Variants in ABCD3 observed in about 807,000 individuals in gnomAD.
ABCD3 encodes ATP binding cassette subfamily D member 3, also known as ATP-binding cassette sub-family D member 3.
Under a neutral mutation model 105.5 loss-of-function variants are expected in ABCD3, and 41 were observed. That is an observed-to-expected ratio of 0.39 (90% CI 0.30 to 0.50). ABCD3 has a LOEUF of 0.50. Ranked by LOEUF, ABCD3 falls within the 20% of genes least tolerant of loss-of-function variation. The pLI is 0.84. For synonymous variants in ABCD3, 258 were observed against 269.0 expected, an observed-to-expected ratio of 0.96 and a Z score of 0.40; for missense variants, 622 against 806.3, an observed-to-expected ratio of 0.77 and a Z score of 2.77.
chr1:94,414,279 G>A (rs1272730219), upstream of ABCD3, among the ~76,000 whole-genome samples: 1 of 151,962 alleles, frequency 6.6e-6, no homozygotes, highest in East Asian at 1.9e-4. Context: ...TCCGACCTTG[G>A]GTAAATAGTA....
At chr1:94,433,645 G>A (rs968952812) in intron 1 of ABCD3, among the ~76,000 whole-genome samples, 1 of 53,874 alleles carries the variant, frequency 1.9e-5, no homozygotes, top group African/African-American at 6.9e-5. Context: ...TTTTTTTTTT[G>A]TCTAAACATG....
the ABCD3 span, among the ~76,000 whole-genome samples, chr1:94,398,862 C>T: frequency 8.6e-5 from 13 of 151,984 alleles, no homozygotes; most frequent in East Asian, 1.9e-4. Flanking sequence ...TGCAGTGAGC[C>T]GAGATCATGC....
chr1:94,409,876 C>T, the ABCD3 span, among the ~76,000 whole-genome samples: 1 of 152,116 alleles, frequency 6.6e-6, no homozygotes, highest in African/African-American at 2.4e-5. Context: ...GCAAAGTATC[C>T]AATCATAGCT....
chr1:94,469,916 C>T (rs971674953), intron 4 of ABCD3, among the ~76,000 whole-genome samples: 3 of 152,046 alleles, frequency 2.0e-5, no homozygotes, highest in Non-Finnish European at 4.4e-5. Flanking sequence ...CCTCCCGCCT[C>T]GGCCTCCCAA....
chr1:94,480,503 C>T lies in ABCD3; in HGVS notation c.724C>T (p.Leu242=). 2 of 1,613,820 alleles carry T rather than the reference C, an allele frequency of 1.2e-6. No homozygotes were observed. The highest frequency in any genetic ancestry group is 1.7e-6 in the Non-Finnish European group (2 of 1,179,850). The change falls in exon 9 of 23, where the codon CTA becomes TTA. Residue 242 remains leucine, a synonymous_variant. Coordinates refer to ENST00000370214, the MANE Select transcript of ABCD3 (RefSeq NM_002858.4). ...GATGGCCTACTTGGTTGTTTCTGGGCTATTCCTAACTCGACTTCGAAGACC... is the reference window on the plus strand; with the variant it reads ...GATGGCCTACTTGGTTGTTTCTGGGTTATTCCTAACTCGACTTCGAAGACC... ...SMMAYLVVSG[L]FLTRLRRPIG...
At chr1:94,385,341 C>T in the ABCD3 span, among the ~76,000 whole-genome samples, 1 of 152,064 alleles carries the variant, frequency 6.6e-6, no homozygotes, top group African/African-American at 2.4e-5. Flanking sequence ...GGAAGGAGAC[C>T]TCTGATTTTA....
At chr1:94,406,335 G>GTTTTTTTTTTTTTTTTTTT in the ABCD3 span, 2 of 178,988 alleles carry the variant, frequency 1.1e-5, no homozygotes, top group Non-Finnish European at 1.0e-5. Flanking sequence ...ATAGTATTTT[G>GTTTTTTTTTTTTTTTTTTT]TTTTGTTTTT....
upstream of ABCD3, among the ~76,000 whole-genome samples, chr1:94,416,627 G>A (rs1659025956): frequency 6.6e-6 from 1 of 152,138 alleles, no homozygotes; most frequent in African/African-American, 2.4e-5. Context: ...TATTTCCCTA[G>A]GCTAGCCATA....
upstream of ABCD3, among the ~76,000 whole-genome samples, chr1:94,417,645 GCATA>G (rs1220414934): frequency 1.3e-5 from 2 of 152,204 alleles, no homozygotes; most frequent in Non-Finnish European, 2.9e-5. Flanking sequence ...GACCAGATCT[GCATA>G]CATTTTACAT....
At chr1:94,407,950 T>C in the ABCD3 span, among the ~76,000 whole-genome samples, 45 of 152,374 alleles carry the variant, frequency 3.0e-4, no homozygotes, top group East Asian at 8.5e-3. Context: ...GATTCATTTA[T>C]ATTATTGTCT....
In ABCD3 at chr1:94,469,071, G is replaced by A. The variant is rs114431719; in HGVS notation, c.335+1064G>A. 9.2e-3 allele frequency among the ~76,000 whole-genome samples: 1,407 copies of A among 152,258 alleles called. 20 individuals are homozygous for A. The highest frequency in any genetic ancestry group is 0.032 in the African/African-American group (1,344 of 41,538). On this transcript the variant is annotated intron_variant, in intron 4 of 22. Coordinates refer to ENST00000370214, the MANE Select transcript of ABCD3 (RefSeq NM_002858.4). ...AACATAGCTTAATGTCAGATGTTCTGCAGGACTTAATGACAAAACACATGA... is the reference window on the plus strand; with the variant it reads ...AACATAGCTTAATGTCAGATGTTCTACAGGACTTAATGACAAAACACATGA...
chr1:94,420,175 ATTT>A lies in ABCD3; in HGVS notation c.110+1590_110+1592del, dbSNP rs1216257221. Among the ~76,000 whole-genome samples, 5 of 152,262 alleles carry A rather than the reference ATTT, an allele frequency of 3.3e-5. No individual in the cohort carries two copies. The East Asian group carries it at 9.7e-4, about 29-fold the overall frequency. Reference sequence around the variant, plus strand: ...ATATAGTACACATAGAGCTTGAAGAATTTTTACAAGTAGAACACACTCGTGTAA... The same window carrying A: ...ATATAGTACACATAGAGCTTGAAGAATTACAAGTAGAACACACTCGTGTAA... On this transcript the variant is annotated intron_variant, in intron 1 of 22. Transcript: ENST00000370214.
At chr1:94,465,896 C>T (rs1409806085) in intron 3 of ABCD3, among the ~76,000 whole-genome samples, 9 of 152,152 alleles carry the variant, frequency 5.9e-5, no homozygotes, top group African/African-American at 2.2e-4. Context: ...TCCTCTTCCC[C>T]TTGTCACCCT....
the ABCD3 span, among the ~76,000 whole-genome samples, chr1:94,402,232 T>C: frequency 6.6e-6 from 1 of 152,202 alleles, no homozygotes; most frequent in Non-Finnish European, 1.5e-5. Context: ...TTTTAGGAGG[T>C]TATGAATAAG....
intron 1 of ABCD3, chr1:94,455,605 G>A (rs1372539261): frequency 1.8e-5 from 6 of 330,012 alleles, no homozygotes; most frequent in Non-Finnish European, 3.0e-5. Context: ...GATTATAGAT[G>A]TAAGCCACTG....
chr1:94,411,003 T>A, the ABCD3 span, among the ~76,000 whole-genome samples: 1 of 152,012 alleles, frequency 6.6e-6, no homozygotes, highest in African/African-American at 2.4e-5. Flanking sequence ...AAGACTTAAA[T>A]GAAAGAGGTA....
chr1:94,464,754 G>GTT, intron 2 of ABCD3, 21 bp from the exon 3 acceptor site: 2 of 1,590,708 alleles, frequency 1.3e-6, no homozygotes, highest in Non-Finnish European at 1.7e-6. Context: ...ATCTTAAAAG[G>GTT]GCTTCTTTTT....
chr1:94,449,587 C>T (rs192715639), intron 1 of ABCD3, among the ~76,000 whole-genome samples: 110 of 152,186 alleles, frequency 7.2e-4, no homozygotes, highest in Middle Eastern at 3.4e-3. Flanking sequence ...TGAGGCATAC[C>T]GCCCTCAAAA....
At chr1:94,488,558 C>T (rs1649379118) in intron 13 of ABCD3, among the ~76,000 whole-genome samples, 1 of 151,960 alleles carries the variant, frequency 6.6e-6, no homozygotes, top group African/African-American at 2.4e-5. Context: ...GTAAAAAACA[C>T]CATAAATTTT....
Sources: allele counts gnomAD v4.1 joint callset (sites outside exome capture counted in the v4.1 genomes callset), GRCh38; gene constraint gnomAD v4.1.1; transcripts MANE v1.5; gene names NCBI Gene and HGNC (gene_info 2026-07-23, HGNC 2026-07-21).